Variants in NEGR1 observed in about 807,000 individuals in gnomAD.
NEGR1 encodes the protein neuronal growth regulator 1, also known as IgLON family member 4.
Under a neutral mutation model 40.9 loss-of-function variants are expected in NEGR1, and 10 were observed. That is an observed-to-expected ratio of 0.24 (90% confidence interval 0.15 to 0.42). The LOEUF (loss-of-function observed/expected upper bound fraction) is 0.42. Among genes scored for constraint, NEGR1 ranks in the 10% least tolerant of loss-of-function variants. The pLI, the probability that NEGR1 is intolerant of heterozygous loss-of-function variation, is 1.00. For missense variants in NEGR1, 352 were observed against 438.9 expected, an observed-to-expected ratio of 0.80 and a Z score of 1.77; for synonymous variants, 185 against 166.8, an observed-to-expected ratio of 1.11 and a Z score of -0.84.
intron 4 of NEGR1, among the ~76,000 whole-genome samples, chr1:71,646,217 T>C (rs1174580894): frequency 6.6e-6 from 1 of 151,274 alleles, no homozygotes; most frequent in Non-Finnish European, 1.5e-5. Context: ...TACATATACA[T>C]AAACACATAT....
chr1:71,643,010 G>A (rs1252361855), intron 4 of NEGR1, among the ~76,000 whole-genome samples: 1 of 151,924 alleles, frequency 6.6e-6, no homozygotes, highest in Admixed American at 6.6e-5. Context: ...GGAATAAAAA[G>A]ACCAGACAAA....
chr1:72,148,924 C>T (rs1651014148), intron 1 of NEGR1, among the ~76,000 whole-genome samples: 1 of 152,148 alleles, frequency 6.6e-6, no homozygotes, highest in Admixed American at 6.6e-5. Context: ...CTTCTGAGCC[C>T]TCCAAACTGT....
At chr1:72,004,296 A>G (rs1238807806) in intron 1 of NEGR1, among the ~76,000 whole-genome samples, 1 of 152,130 alleles carries the variant, frequency 6.6e-6, no homozygotes, top group Non-Finnish European at 1.5e-5. Context: ...CTGGAAAGCA[A>G]TAAATAAAAT....
At chr1:71,948,496 T>TGTGTGAGA (rs1368411356) in intron 1 of NEGR1, among the ~76,000 whole-genome samples, 8 of 148,592 alleles carry the variant, frequency 5.4e-5, no homozygotes, top group Non-Finnish European at 8.9e-5. Context: ...TGTGTGTGTG[T>TGTGTGAGA]GAGAGAGAGA....
chr1:72,078,937 G>A (rs994233781), intron 1 of NEGR1, among the ~76,000 whole-genome samples: 94 of 151,352 alleles, frequency 6.2e-4, no homozygotes, highest in African/African-American at 2.2e-3. Context: ...ACTGCGCCCA[G>A]CCTATTTATT....
chr1:71,461,235 C>T (rs1361474099), intron 6 of NEGR1, among the ~76,000 whole-genome samples: 1 of 152,222 alleles, frequency 6.6e-6, no homozygotes, highest in East Asian at 1.9e-4. Context: ...ACAAAAATAT[C>T]ATGAAAATTT....
At chr1:71,794,726 G>A (rs1038968336) in intron 2 of NEGR1, among the ~76,000 whole-genome samples, 3 of 152,036 alleles carry the variant, frequency 2.0e-5, no homozygotes, top group African/African-American at 7.2e-5. Flanking sequence ...GAAAAAGATT[G>A]GTAAATGTGA....
At chr1:71,770,514 A>G (rs1557645733) in intron 3 of NEGR1, among the ~76,000 whole-genome samples, 1 of 152,218 alleles carries the variant, frequency 6.6e-6, no homozygotes, top group South Asian at 2.1e-4. Context: ...CTCCAATTGT[A>G]TGGTATAAAA....
intron 3 of NEGR1, among the ~76,000 whole-genome samples, chr1:71,759,917 T>C (rs927174135): frequency 6.6e-6 from 1 of 152,022 alleles, no homozygotes; most frequent in African/African-American, 2.4e-5. Context: ...CCCAAGATAA[T>C]AACTTTTAAA....
chr1:72,207,845 A>T (rs534599058), intron 1 of NEGR1, among the ~76,000 whole-genome samples: 15 of 151,936 alleles, frequency 9.9e-5, no homozygotes, highest in African/African-American at 3.6e-4. Context: ...TAATTTACAC[A>T]TACTCACATT....
chr1:71,438,096 G>C (rs1646521179), intron 6 of NEGR1, among the ~76,000 whole-genome samples: 1 of 152,194 alleles, frequency 6.6e-6, no homozygotes, highest in Admixed American at 6.5e-5. Flanking sequence ...AACGCTTGTT[G>C]AGAGTTTCAA....
At chr1:72,110,586 A>AATAC (rs943054530) in intron 1 of NEGR1, among the ~76,000 whole-genome samples, 84 of 151,770 alleles carry the variant, frequency 5.5e-4, no homozygotes, top group African/African-American at 1.8e-3. Flanking sequence ...ATAAATTAAA[A>AATAC]ATACTATAAA....
chr1:71,847,226 T>G (rs1218765444), intron 2 of NEGR1, among the ~76,000 whole-genome samples: 1 of 152,188 alleles, frequency 6.6e-6, no homozygotes, highest in Non-Finnish European at 1.5e-5. Context: ...CTGTTCAGAC[T>G]GTTTATTGAT....
chr1:71,888,023 ACACACACACAC>A (rs1417635953), intron 2 of NEGR1, among the ~76,000 whole-genome samples: 1 of 151,178 alleles, frequency 6.6e-6, no homozygotes, highest in Non-Finnish European at 1.5e-5. Flanking sequence ...ACACACACAC[ACACACACACAC>A]ACCTCTAGAA....
At chr1:71,529,648 T>G (rs899597716) in intron 6 of NEGR1, among the ~76,000 whole-genome samples, 2 of 151,162 alleles carry the variant, frequency 1.3e-5, no homozygotes, top group African/African-American at 4.8e-5. Context: ...TTTATGTCAT[T>G]GAATAAGATT....
intron 1 of NEGR1, among the ~76,000 whole-genome samples, chr1:71,936,450 A>G (rs1020860638): frequency 6.6e-6 from 1 of 152,202 alleles, no homozygotes; most frequent in Non-Finnish European, 1.5e-5. Flanking sequence ...ATGAAATCAC[A>G]CACAGGATGC....
chr1:71,410,916 A>G (rs1238148287), intron 6 of NEGR1, among the ~76,000 whole-genome samples: 1 of 152,204 alleles, frequency 6.6e-6, no homozygotes, highest in Non-Finnish European at 1.5e-5. Flanking sequence ...GGGCTGAAAT[A>G]TTACTTAGGA....
At chr1:71,624,832 A>G (rs1650716903) in intron 4 of NEGR1, among the ~76,000 whole-genome samples, 1 of 151,712 alleles carries the variant, frequency 6.6e-6, no homozygotes, top group African/African-American at 2.4e-5. Context: ...AACCATCCTT[A>G]CTGTTCTCCA....
intron 3 of NEGR1, among the ~76,000 whole-genome samples, chr1:71,726,803 G>A (rs1020852780): frequency 4.6e-5 from 7 of 152,010 alleles, no homozygotes; most frequent in African/African-American, 1.7e-4. Context: ...GGACAAGACA[G>A]AGTAGAGTCA....
Sources: gnomAD v4.1 joint callset for allele counts (sites outside exome capture counted in the v4.1 genomes callset) on GRCh38, gnomAD v4.1.1 for gene constraint, MANE v1.5 for transcripts, NCBI Gene and HGNC (gene_info 2026-07-23, HGNC 2026-07-21) for gene names.